Variants in NMRAL1 observed in about 807,000 individuals in gnomAD.
NMRAL1 encodes the protein NmrA like redox sensor 1, also known as nmrA-like family domain-containing protein 1.
NMRAL1 carries 32 observed loss-of-function variants against 27.5 expected under a neutral mutation model. The ratio of observed to expected loss-of-function variants is 1.16; its 90% CI spans 0.88 to 1.56. The LOEUF (loss-of-function observed/expected upper bound fraction) is 1.56, where lower values mean the gene tolerates loss of function less well. Ranked by LOEUF, NMRAL1 falls within the 40% of genes most tolerant of loss-of-function variation. NMRAL1 has a pLI of 0.00. For synonymous variants in NMRAL1, 166 were observed against 166.8 expected, an observed-to-expected ratio of 1.00 and a Z score of 0.04; for missense variants, 420 against 392.0, an observed-to-expected ratio of 1.07 and a Z score of -0.60.
chr16:4,466,824 G>GA, intron 3 of NMRAL1: 3 of 210,898 alleles, frequency 1.4e-5, no homozygotes, highest in Non-Finnish European at 2.9e-5. Flanking sequence ...GCTCTGCCAT[G>GA]TACGAGCAGT....
chr16:4,474,887 T>C (rs2057771332), upstream of NMRAL1: 1 of 152,268 alleles, frequency 6.6e-6, no homozygotes, highest in Admixed American at 6.5e-5. Flanking sequence ...GCTATGTCCA[T>C]GAGTCTTATC....
intron 2 of NMRAL1, among the ~76,000 whole-genome samples, chr16:4,471,686 T>C (rs555287727): frequency 1.3e-4 from 19 of 151,344 alleles, no homozygotes; most frequent in African/African-American, 4.1e-4. Context: ...AAATAATCTA[T>C]AAACAAATAC....
At chr16:4,470,242 G>A (rs1195044635) in intron 2 of NMRAL1, among the ~76,000 whole-genome samples, 1 of 150,966 alleles carries the variant, frequency 6.6e-6, no homozygotes. Flanking sequence ...GGCCGAGGGG[G>A]GTAGATCACC....
chr16:4,469,784 T>C (rs940322392), intron 2 of NMRAL1: 2 of 299,676 alleles, frequency 6.7e-6, no homozygotes, highest in African/African-American at 4.3e-5. Flanking sequence ...CGAGAATTGC[T>C]GGAACCCAGG....
intron 2 of NMRAL1, among the ~76,000 whole-genome samples, chr16:4,472,404 T>G (rs1359180977): frequency 6.6e-6 from 1 of 151,950 alleles, no homozygotes; most frequent in South Asian, 2.1e-4. Flanking sequence ...ATCACACCAT[T>G]GCACTCCAGC....
upstream of NMRAL1, among the ~76,000 whole-genome samples, chr16:4,475,479 T>C (rs1301915704): frequency 6.6e-6 from 1 of 151,520 alleles, no homozygotes; most frequent in Non-Finnish European, 1.5e-5. Flanking sequence ...GGCTAAAATT[T>C]TTTTGTATTT....
intron 3 of NMRAL1, among the ~76,000 whole-genome samples, chr16:4,468,947 T>A (rs7202910): frequency 0.72 from 107,699 of 149,828 alleles, 38,854 homozygotes; most frequent in Non-Finnish European, 0.74. Flanking sequence ...AATTACTTTT[T>A]AAAAAAAACT....
At chr16:4,474,259 G>T (rs1009659505) in intron 1 of NMRAL1, 93 bp from the exon 2 acceptor site, 2 of 876,770 alleles carry the variant, frequency 2.3e-6, no homozygotes, top group African/African-American at 1.7e-5. Context: ...CATCGAGTAT[G>T]TGTCGAAGGG....
chr16:4,469,446 C>A lies in NMRAL1; in HGVS notation c.60G>T (p.Val20=). 2.5e-6 allele frequency: 4 copies of A among 1,613,942 alleles called. No homozygotes were observed. Among genetic ancestry groups the A allele is most frequent in the Non-Finnish European group, 3.4e-6 (4 of 1,179,946 alleles). The change falls in exon 3 of 6, where the codon GTG becomes GTT. Residue 20 remains valine, a synonymous_variant. Coordinates refer to ENST00000283429, the MANE Select transcript of NMRAL1 (RefSeq NM_020677.6). The part of the protein sequence containing the change: ...FGGTGAQGGS[V]ARTLLEDGTF... ...TCCCATCTTCCAGGAGTGTGCGGGC[C>A]ACGGAGCCACCCTGGGCACCTACAA... is the stretch of plus-strand genomic sequence containing the variant.
At chr16:4,468,900 C>T (rs1322776139) in intron 3 of NMRAL1, among the ~76,000 whole-genome samples, 1 of 151,594 alleles carries the variant, frequency 6.6e-6, no homozygotes, top group African/African-American at 2.4e-5. Flanking sequence ...ATGTAACAAA[C>T]CTGTGCATGT....
upstream of NMRAL1, among the ~76,000 whole-genome samples, chr16:4,475,138 A>G (rs577851037): frequency 6.6e-6 from 1 of 150,452 alleles, no homozygotes; most frequent in South Asian, 2.1e-4. Flanking sequence ...TTTTTAGTAG[A>G]GACGGGGTTT....
chr16:4,473,997 C>G, intron 2 of NMRAL1, 96 bp downstream of exon 2: 1 of 923,342 alleles, frequency 1.1e-6, no homozygotes, highest in Non-Finnish European at 1.7e-6. Flanking sequence ...TCGGGGGTCC[C>G]AGTGACCTTA....
At chr16:4,469,111 C>G in intron 3 of NMRAL1, 116 bp downstream of exon 3, 1 of 702,208 alleles carries the variant, frequency 1.4e-6, no homozygotes, top group Admixed American at 2.0e-5. Flanking sequence ...CAGGCAGAGG[C>G]ATGAAGAAGA....
chr16:4,466,037 C>T (rs778608158), intron 4 of NMRAL1, 116 bp downstream of exon 4: 82 of 1,300,294 alleles, frequency 6.3e-5, no homozygotes, highest in Non-Finnish European at 7.3e-5. Context: ...CTGGGCCTAA[C>T]GTGAGGGAGC....
At chr16:4,468,993 G>A (rs28680621) in intron 3 of NMRAL1, among the ~76,000 whole-genome samples, 17,257 of 143,766 alleles carry the variant, frequency 0.12, 2,073 homozygotes, top group African/African-American at 0.31. Flanking sequence ...AAAAACAAAC[G>A]AACAGGCCAG....
intron 2 of NMRAL1, among the ~76,000 whole-genome samples, chr16:4,473,792 G>A (rs530755200): frequency 6.6e-6 from 1 of 152,166 alleles, no homozygotes; most frequent in South Asian, 2.1e-4. Context: ...CGGGCGTGGT[G>A]GCATGCCCTT....
At chr16:4,469,136 G>A (rs997250629) in intron 3 of NMRAL1, 91 bp downstream of exon 3, 18 of 805,866 alleles carry the variant, frequency 2.2e-5, no homozygotes, top group African/African-American at 8.4e-5. Context: ...AAGGCCTGCA[G>A]TGCTCCAACC....
At chr16:4,474,409 C>G (rs1001632395) in intron 1 of NMRAL1, 145 bp downstream of exon 1, 5 of 461,590 alleles carry the variant, frequency 1.1e-5, no homozygotes, top group African/African-American at 1.0e-4. Context: ...CCGGGTCCCA[C>G]CGGCTGGAGT....
chr16:4,468,386 T>C lies in NMRAL1; in HGVS notation c.279+841A>G, dbSNP rs1178951127. 3.3e-5 allele frequency among the ~76,000 whole-genome samples: 5 copies of C among 151,918 alleles called. No homozygotes were observed. The South Asian group carries it at 1.0e-3, about 32-fold the overall frequency. On this transcript the variant is annotated intron_variant, in intron 3 of 5. Coordinates refer to ENST00000283429, the MANE Select transcript of NMRAL1 (RefSeq NM_020677.6). ...ATCCCAGCACTTTGGGAGGCCGAGG[T>C]GGGCGGATCACCTGAGGTCAGGAGT...
Sources: gnomAD v4.1 joint callset for allele counts (sites outside exome capture counted in the v4.1 genomes callset) on GRCh38, gnomAD v4.1.1 for gene constraint, MANE v1.5 for transcripts, NCBI Gene and HGNC (gene_info 2026-07-23, HGNC 2026-07-21) for gene names.